The following SDC2 variants were observed in gnomAD, a reference collection of about 807,000 sequenced individuals.
SDC2 encodes the protein syndecan-2.
SDC2 carries 13 observed loss-of-function variants against 22.2 expected under a neutral mutation model. That is an observed-to-expected ratio of 0.59 (90% CI 0.38 to 0.93). The LOEUF is 0.93. Among genes scored for constraint, SDC2 ranks in the 40% least tolerant of loss-of-function variants. The pLI, the probability that SDC2 is intolerant of heterozygous loss-of-function variation, is 0.00. For missense variants in SDC2, 235 were observed against 246.8 expected (o/e 0.95, Z 0.32); for synonymous variants, 94 against 92.8 (o/e 1.01, Z -0.07).
chr8:96,581,015 A>G (rs534504843), intron 1 of SDC2, among the ~76,000 whole-genome samples: 3 of 152,258 alleles, frequency 2.0e-5, no homozygotes, highest in Non-Finnish European at 1.5e-5. Flanking sequence ...GAGAAAAAAA[A>G]TTCCTGAGAT....
intron 4 of SDC2, among the ~76,000 whole-genome samples, chr8:96,609,042 C>T (rs182476238): frequency 4.9e-4 from 74 of 151,708 alleles, no homozygotes; most frequent in African/African-American, 1.6e-3. Context: ...ATACTATGTT[C>T]TCTGTTGAAA....
At chr8:96,561,196 C>T (rs187174329) in intron 1 of SDC2, among the ~76,000 whole-genome samples, 18 of 152,284 alleles carry the variant, frequency 1.2e-4, no homozygotes, top group African/African-American at 4.3e-4. Context: ...GGGAGGAAGA[C>T]ACAGCCAATC....
intron 1 of SDC2, among the ~76,000 whole-genome samples, chr8:96,585,194 T>C (rs1225597977): frequency 6.6e-6 from 1 of 152,240 alleles, no homozygotes; most frequent in Non-Finnish European, 1.5e-5. Flanking sequence ...GTAATGCAAG[T>C]GTTTTGAAAT....
chr8:96,494,439 G>A (rs893382373), intron 1 of SDC2, 108 bp downstream of exon 1: 11 of 993,118 alleles, frequency 1.1e-5, no homozygotes, highest in South Asian at 6.5e-5. Context: ...CAGTCCCCAA[G>A]TATACACCGG....
At chr8:96,579,765 C>T (rs1814560176) in intron 1 of SDC2, among the ~76,000 whole-genome samples, 1 of 152,164 alleles carries the variant, frequency 6.6e-6, no homozygotes, top group African/African-American at 2.4e-5. Flanking sequence ...TTGTTTTAAA[C>T]AAACATGTTG....
At position 96,593,470 on chromosome 8, in the gene SDC2, C is replaced by G; in HGVS notation, c.61-10C>G. ...TCAACATCCTGACTCCCTTGTCTTT[C>G]CTTTCTCAGAGAGCAGAGCTGACAT... is the stretch of plus-strand genomic sequence containing the variant. On this transcript the variant is annotated splice_polypyrimidine_tract_variant and intron_variant, in intron 1 of 4. Transcript: ENST00000302190. 6.3e-7 allele frequency: 1 copy of G among 1,589,784 alleles called. No homozygotes were observed. The highest frequency in any genetic ancestry group is 8.6e-7 in the Non-Finnish European group (1 of 1,158,228).
At chr8:96,521,133 A>C (rs557860984) in intron 1 of SDC2, among the ~76,000 whole-genome samples, 22 of 152,330 alleles carry the variant, frequency 1.4e-4, no homozygotes, top group Admixed American at 3.9e-4. Context: ...GCAGCACCAC[A>C]TCCCTAATGG....
intron 3 of SDC2, among the ~76,000 whole-genome samples, chr8:96,605,158 A>G (rs1815056529): frequency 1.3e-5 from 2 of 152,196 alleles, no homozygotes; most frequent in Admixed American, 6.5e-5. Flanking sequence ...TGGTGAAACC[A>G]TATGATTTGT....
At chr8:96,608,600 C>G (rs1046240422) in intron 4 of SDC2, 130 bp downstream of exon 4, 7 of 771,824 alleles carry the variant, frequency 9.1e-6, no homozygotes, top group Non-Finnish European at 1.2e-5. Context: ...GTGCTTGATT[C>G]CAGAGCGAGA....
chr8:96,557,626 G>A (rs1029720797), intron 1 of SDC2, among the ~76,000 whole-genome samples: 19 of 152,100 alleles, frequency 1.2e-4, no homozygotes, highest in African/African-American at 4.6e-4. Flanking sequence ...GGACTGTGGT[G>A]GGGTGGGGGG....
intron 1 of SDC2, among the ~76,000 whole-genome samples, chr8:96,571,780 T>TC (rs1814399208): frequency 6.6e-6 from 1 of 152,208 alleles, no homozygotes; most frequent in Non-Finnish European, 1.5e-5. Flanking sequence ...CTGAAGACAG[T>TC]ACCTTGAACA....
intron 1 of SDC2, among the ~76,000 whole-genome samples, chr8:96,547,140 G>A (rs1813947681): frequency 6.6e-6 from 1 of 152,144 alleles, no homozygotes; most frequent in Non-Finnish European, 1.5e-5. Context: ...GTGTTGGATT[G>A]AATGGTTTCA....
rs115671904 is a variant in SDC2 at position 96,553,524 on chromosome 8, G to C, written c.61-39956G>C. Among the ~76,000 whole-genome samples, 549 of 151,662 alleles carry C rather than the reference G, an allele frequency of 3.6e-3. 5 individuals are homozygous for C. The highest frequency in any genetic ancestry group is 0.013 in the African/African-American group (523 of 41,362). On this transcript the variant is annotated intron_variant, in intron 1 of 4. Transcript: ENST00000302190. ...TATCTTCCTCTTAGGAAGAGATAAG[G>C]GTAATGGGAAGTTGTAGAGATAAGC...
At chr8:96,519,578 G>A (rs1813461917) in intron 1 of SDC2, among the ~76,000 whole-genome samples, 1 of 151,614 alleles carries the variant, frequency 6.6e-6, no homozygotes, top group African/African-American at 2.4e-5. Flanking sequence ...AATCTAGGGG[G>A]GAAAAATCCT....
chr8:96,522,188 A>G (rs1320399631), intron 1 of SDC2, among the ~76,000 whole-genome samples: 1 of 152,210 alleles, frequency 6.6e-6, no homozygotes, highest in African/African-American at 2.4e-5. Flanking sequence ...GGGGAAAGGA[A>G]GGCTTGGAGT....
chr8:96,521,095 G>A (rs1813490680), intron 1 of SDC2, among the ~76,000 whole-genome samples: 1 of 152,182 alleles, frequency 6.6e-6, no homozygotes, highest in Non-Finnish European at 1.5e-5. Flanking sequence ...AAGTCCAGGT[G>A]TCTTCATTCC....
chr8:96,571,551 G>A (rs1159449685), intron 1 of SDC2, among the ~76,000 whole-genome samples: 1 of 152,200 alleles, frequency 6.6e-6, no homozygotes, highest in African/African-American at 2.4e-5. Flanking sequence ...TCTTGTGTTT[G>A]TGGTTCTGGG....
chr8:96,523,275 C>G (rs116773616), intron 1 of SDC2, among the ~76,000 whole-genome samples: 2 of 152,186 alleles, frequency 1.3e-5, no homozygotes, highest in Non-Finnish European at 2.9e-5. Flanking sequence ...GCTGCTTAAG[C>G]TAAACCACGA....
rs377256741 is a variant in SDC2 at position 96,602,455 on chromosome 8, T to G, written c.233T>G (p.Leu78Arg). Residue 78 changes from leucine (L) to arginine (R), a missense_variant, in exon 3 of 5, where the codon CTG (leucine) becomes CGG (arginine). Coordinates refer to ENST00000302190, the MANE Select transcript of SDC2 (RefSeq NM_002998.4). ...LTTSRPLPKI[L>R]LTSAAPKVET... ...ACATCTCGACCACTTCCAAAGATAC[T>G]GTTGACTAGTGCTGCTCCAAAAGTG... 2.5e-6 allele frequency: 4 copies of G among 1,614,162 alleles called. No individual in the cohort carries two copies. The highest frequency in any genetic ancestry group is 3.4e-6 in the Non-Finnish European group (4 of 1,179,990).
Sources: allele counts gnomAD v4.1 joint callset (sites outside exome capture counted in the v4.1 genomes callset), GRCh38; gene constraint gnomAD v4.1.1; transcripts MANE v1.5; gene names NCBI Gene and HGNC (gene_info 2026-07-23, HGNC 2026-07-21).